The following ZNRF1 variants were observed in gnomAD, a reference collection of about 807,000 sequenced individuals.
ZNRF1 encodes the protein zinc and ring finger 1.
Under a neutral mutation model 18.4 loss-of-function variants are expected in ZNRF1, and 3 were observed. That is an observed-to-expected ratio of 0.16 (90% CI 0.07 to 0.42). ZNRF1 has a LOEUF of 0.42. Ranked by LOEUF, ZNRF1 falls within the 10% of genes least tolerant of loss-of-function variation. The pLI, the probability that ZNRF1 is intolerant of heterozygous loss-of-function variation, is 0.99. For synonymous variants in ZNRF1, 157 were observed against 144.2 expected (o/e 1.09, Z -0.64); for missense variants, 310 against 329.8 (o/e 0.94, Z 0.47).
chr16:75,070,605 A>C (rs1203750209), intron 1 of ZNRF1, among the ~76,000 whole-genome samples: 1 of 152,184 alleles, frequency 6.6e-6, no homozygotes, highest in Non-Finnish European at 1.5e-5. Context: ...ATACATCCTG[A>C]TGCATTCACA....
At chr16:75,032,573 C>G (rs1325449653) in intron 1 of ZNRF1, among the ~76,000 whole-genome samples, 1 of 152,068 alleles carries the variant, frequency 6.6e-6, no homozygotes, top group African/African-American at 2.4e-5. Context: ...AAATTAAAGA[C>G]TTGTGCTGCA....
chr16:75,078,684 T>A (rs1235990387), intron 1 of ZNRF1, among the ~76,000 whole-genome samples: 2 of 152,210 alleles, frequency 1.3e-5, no homozygotes, highest in Admixed American at 1.3e-4. Context: ...TGAGAGAATG[T>A]TACAATCAAT....
chr16:75,062,269 TG>T (rs1355650919), intron 1 of ZNRF1, among the ~76,000 whole-genome samples: 1 of 152,192 alleles, frequency 6.6e-6, no homozygotes, highest in Non-Finnish European at 1.5e-5. Context: ...GGAAGCAGCG[TG>T]GAGCACAGCC....
chr16:75,030,833 CTTTTTT>C (rs59468839), intron 1 of ZNRF1, among the ~76,000 whole-genome samples: 6 of 91,380 alleles, frequency 6.6e-5, no homozygotes, highest in African/African-American at 1.4e-4. Flanking sequence ...CACTTTATTC[CTTTTTT>C]TTTTTTTTTT....
At chr16:75,095,515 C>T in intron 2 of ZNRF1, 1 of 1,348,556 alleles carries the variant, frequency 7.4e-7, no homozygotes, top group South Asian at 1.9e-5. Context: ...ACTTCTTTCC[C>T]ACATGTGTGG....
At position 75,059,239 on chromosome 16, in the gene ZNRF1, T is replaced by C. The variant is rs1292236190; in HGVS notation, c.425-34333T>C. ...TTTCCTTCTTTCTTTCTTTTTTTTT[T>C]TTTTTCTTTTTTTTTTTTTTTTTGT... On this transcript the variant is annotated intron_variant, in intron 1 of 4. Coordinates refer to ENST00000335325, the MANE Select transcript of ZNRF1 (RefSeq NM_032268.5). Among the ~76,000 whole-genome samples, 5 of 110,384 alleles carry C rather than the reference T, an allele frequency of 4.5e-5. No homozygotes were observed. The South Asian group carries it at 1.3e-3, about 28-fold the overall frequency. The allele number at this position is 110,384 out of a possible 152,430, so 72.4% of individuals were successfully genotyped here. A position where few individuals can be genotyped will look rare whatever the true frequency, so the allele number is the denominator to read the frequency against.
chr16:75,099,436 C>T (rs1005261368), intron 2 of ZNRF1, among the ~76,000 whole-genome samples: 2 of 152,102 alleles, frequency 1.3e-5, no homozygotes, highest in Non-Finnish European at 2.9e-5. Context: ...TGTTTCAGCT[C>T]CAGGGCCGTG....
intron 1 of ZNRF1, among the ~76,000 whole-genome samples, chr16:75,012,783 G>T (rs979141899): frequency 1.3e-5 from 2 of 152,180 alleles, no homozygotes; most frequent in African/African-American, 4.8e-5. Flanking sequence ...CAGACGGGAA[G>T]GGCTGAACGG....
intron 1 of ZNRF1, among the ~76,000 whole-genome samples, chr16:75,016,699 CTTTTTTT>C (rs35899706): frequency 6.0e-5 from 6 of 99,512 alleles, no homozygotes; most frequent in South Asian, 3.8e-4. Context: ...CCATGCCTGG[CTTTTTTT>C]TTTTTTTTTT....
chr16:75,104,846 G>T lies in ZNRF1; in HGVS notation c.583G>T (p.Asp195Tyr). Reference protein sequence around the residue: ...VICLEELLQGDTIARLPCLCI... With the variant: ...VICLEELLQGYTIARLPCLCI... ...CTGCCTGGAGGAGCTGCTGCAGGGG[G>T]ACACGATAGCCAGGCTGCCCTGCCT... Residue 195 changes from aspartate (D) to tyrosine (Y), a missense_variant, in exon 3 of 5, where the codon GAC becomes TAC. This residue lies in a region of ZNRF1 where 293 missense variants were observed against 291.2 expected (regional missense o/e 1.01). Coordinates refer to ENST00000335325, the MANE Select transcript of ZNRF1 (RefSeq NM_032268.5). 1 of 1,610,786 alleles carries T rather than the reference G, an allele frequency of 6.2e-7. No homozygotes were observed. Among genetic ancestry groups the T allele is most frequent in the Non-Finnish European group, 8.5e-7 (1 of 1,179,040 alleles).
chr16:75,091,496 ACT>A (rs2036139378), intron 1 of ZNRF1, among the ~76,000 whole-genome samples: 1 of 150,720 alleles, frequency 6.6e-6, no homozygotes, highest in Admixed American at 6.6e-5. Flanking sequence ...TACGTGGGAG[ACT>A]CTGACCCCCA....
intron 1 of ZNRF1, among the ~76,000 whole-genome samples, chr16:75,017,288 A>C (rs2035084954): frequency 6.6e-6 from 1 of 152,244 alleles, no homozygotes; most frequent in Admixed American, 6.5e-5. Flanking sequence ...TGAGTTTATC[A>C]ATAAGCCATT....
chr16:75,019,288 C>T (rs2035112872), intron 1 of ZNRF1, among the ~76,000 whole-genome samples: 1 of 151,970 alleles, frequency 6.6e-6, no homozygotes, highest in African/African-American at 2.4e-5. Context: ...GATCTTCTCA[C>T]CTTGGCCTCC....
chr16:75,070,437 T>G (rs2035856595), intron 1 of ZNRF1, among the ~76,000 whole-genome samples: 1 of 152,246 alleles, frequency 6.6e-6, no homozygotes, highest in South Asian at 2.1e-4. Flanking sequence ...TCTGGAATGA[T>G]GCACCTAAAC....
chr16:75,067,530 C>T (rs1268803007), intron 1 of ZNRF1, among the ~76,000 whole-genome samples: 3 of 152,084 alleles, frequency 2.0e-5, no homozygotes, highest in Non-Finnish European at 4.4e-5. Flanking sequence ...CTAAGTTAAA[C>T]TTCAGAAAGA....
chr16:75,040,201 C>T (rs768049081), intron 1 of ZNRF1, among the ~76,000 whole-genome samples: 10 of 151,806 alleles, frequency 6.6e-5, no homozygotes, highest in Non-Finnish European at 1.3e-4. Flanking sequence ...CGCACCACCA[C>T]GCATGGCTTA....
chr16:75,071,482 C>T (rs1383404674), intron 1 of ZNRF1, among the ~76,000 whole-genome samples: 2 of 152,154 alleles, frequency 1.3e-5, no homozygotes, highest in African/African-American at 4.8e-5. Flanking sequence ...ATGGTGGCCT[C>T]TCTATGTGGC....
chr16:75,066,082 C>T (rs1047386189), intron 1 of ZNRF1, among the ~76,000 whole-genome samples: 1 of 152,294 alleles, frequency 6.6e-6, no homozygotes, highest in Middle Eastern at 3.4e-3. Flanking sequence ...AACTCGTTTC[C>T]CATTCAATTC....
At chr16:75,068,979 A>G (rs572598663) in intron 1 of ZNRF1, among the ~76,000 whole-genome samples, 2 of 150,284 alleles carry the variant, frequency 1.3e-5, no homozygotes, top group Non-Finnish European at 3.0e-5. Flanking sequence ...CCCTCTCTTC[A>G]TTCAGAAAAT....
Sources: allele counts gnomAD v4.1 joint callset (sites outside exome capture counted in the v4.1 genomes callset), GRCh38; gene constraint gnomAD v4.1.1; regional missense constraint gnomAD v4.1.1; transcripts MANE v1.5; gene names NCBI Gene and HGNC (gene_info 2026-07-23, HGNC 2026-07-21).